The following ALG6 variants were observed in gnomAD, a reference collection of about 807,000 sequenced individuals.
ALG6 encodes the protein ALG6 alpha-1,3-glucosyltransferase, also known as dolichyl pyrophosphate Man9GlcNAc2 alpha-1,3-glucosyltransferase.
A neutral mutation model predicts 66.6 loss-of-function variants in ALG6; 46 were observed. The ratio of observed to expected loss-of-function variants is 0.69; its 90% confidence interval spans 0.55 to 0.88. The LOEUF (loss-of-function observed/expected upper bound fraction) is 0.88. ALG6 is among the 40% of genes least tolerant of loss of function. The probability of loss-of-function intolerance (pLI) is 0.00; values close to 1 mark genes in which losing one functional copy is unlikely to be tolerated. For synonymous variants in ALG6, 185 were observed against 203.7 expected, an observed-to-expected ratio of 0.91 and a Z score of 0.78; for missense variants, 505 against 586.8, an observed-to-expected ratio of 0.86 and a Z score of 1.44.
rs1479573763 is a variant in ALG6, at chr1:63,436,807, C to T, written c.1327-16C>T. On this transcript the variant is annotated splice_polypyrimidine_tract_variant and intron_variant, in intron 14 of 14. Transcript: ENST00000263440. ...TCACCTTTTATACTACTCAGTAATC[C>T]TTTTTTTCCTTGCAGTTTCTTATCT... 1 of 1,611,810 alleles carries T rather than the reference C, an allele frequency of 6.2e-7. No individual in the cohort carries two copies.
chr1:63,414,869 G>A (rs1644537226), intron 10 of ALG6, among the ~76,000 whole-genome samples: 1 of 152,034 alleles, frequency 6.6e-6, no homozygotes, highest in African/African-American at 2.4e-5. Context: ...CAGTCAGGAG[G>A]GAATATCTAG....
chr1:63,426,532 G>A (rs546758871), intron 12 of ALG6, among the ~76,000 whole-genome samples: 1 of 152,268 alleles, frequency 6.6e-6, no homozygotes, highest in East Asian at 1.9e-4. Flanking sequence ...TCCTTTCAGA[G>A]CAGTGCTTAT....
chr1:63,391,003 TG>T (rs1233845580), intron 2 of ALG6, among the ~76,000 whole-genome samples: 1 of 152,172 alleles, frequency 6.6e-6, no homozygotes, highest in Non-Finnish European at 1.5e-5. Flanking sequence ...TACTTTCTTG[TG>T]GGGATAGCTG....
intron 10 of ALG6, among the ~76,000 whole-genome samples, chr1:63,414,882 G>A (rs1017918913): frequency 1.1e-4 from 16 of 152,170 alleles, no homozygotes; most frequent in African/African-American, 3.9e-4. Context: ...ATATCTAGGG[G>A]GGAAGGAAGA....
At chr1:63,434,245 G>T (rs1486372309) in intron 14 of ALG6, among the ~76,000 whole-genome samples, 2 of 152,166 alleles carry the variant, frequency 1.3e-5, no homozygotes, top group African/African-American at 4.8e-5. Flanking sequence ...GAAATGGTCA[G>T]ATTTTTTATA....
In ALG6 at chr1:63,428,542, CTG is replaced by C; in HGVS notation, c.1059-188_1059-187del. ...CAATTATTATGAGGAGTTGACACCT[CTG>C]TGCCTGTGTCTAGGCTAATTTAGTC... On this transcript the variant is annotated intron_variant, in intron 12 of 14. Transcript: ENST00000263440. The C allele has an allele frequency of 1.4e-5, 7 of 483,510 alleles. No individual in the cohort carries two copies. The South Asian group carries it at 2.4e-4, about 17-fold the overall frequency. The allele number at this position is 483,510 out of a possible 1,614,324, so 30.0% of individuals were successfully genotyped here.
chr1:63,427,764 C>CTCT (rs1201257490), intron 12 of ALG6, among the ~76,000 whole-genome samples: 1 of 146,802 alleles, frequency 6.8e-6, no homozygotes, highest in Non-Finnish European at 1.5e-5. Context: ...GGTTACAGGG[C>CTCT]TTAGAGCTAT....
chr1:63,390,856 C>G (rs1228974243), intron 2 of ALG6, among the ~76,000 whole-genome samples: 2 of 152,206 alleles, frequency 1.3e-5, no homozygotes, highest in Non-Finnish European at 2.9e-5. Flanking sequence ...TCATGCCATG[C>G]AGCTGCTGCT....
At chr1:63,411,377 A>T in intron 8 of ALG6, 46 bp downstream of exon 8, 1 of 1,569,894 alleles carries the variant, frequency 6.4e-7, no homozygotes. Flanking sequence ...ACTTCAGATA[A>T]TTTTTTTGGC....
chr1:63,426,474 A>T (rs1024825546), intron 12 of ALG6, among the ~76,000 whole-genome samples: 2 of 152,144 alleles, frequency 1.3e-5, no homozygotes, highest in Admixed American at 1.3e-4. Context: ...TTGGTGATGA[A>T]TTGTAAGTAC....
Position 63,437,472 on chromosome 1 carries a change from T to TA in ALG6, c.*453dup, listed in dbSNP as rs761025735. ...AATCACTAATTTTGGTATTCAAACT[T>TA]ACATTTTAGAATGCAAGTAGTGTGT... On this transcript the variant is annotated 3_prime_UTR_variant, in exon 15 of 15. Transcript: ENST00000263440. 1 of 173,922 alleles carries TA rather than the reference T, an allele frequency of 5.7e-6. No homozygotes were observed. Among genetic ancestry groups the TA allele is most frequent in the Non-Finnish European group, 1.2e-5 (1 of 81,674 alleles). 10.8% of individuals were successfully genotyped at this position (173,922 alleles called of 1,614,324 possible).
At chr1:63,393,723 G>A (rs1339382190) in intron 2 of ALG6, among the ~76,000 whole-genome samples, 8 of 152,090 alleles carry the variant, frequency 5.3e-5, no homozygotes, top group East Asian at 3.8e-4. Flanking sequence ...AAGCAACCTC[G>A]GCAAAATTAA....
In ALG6 at chr1:63,437,248, TTTA is replaced by T; in HGVS notation, c.*234_*236del. The stretch of plus-strand genomic sequence containing the variant: ...GTACTGCTTGGCCAAAACATGTGGT[TTTA>T]TTATTCACAGCTATTCAAGTGGGGA... On this transcript the variant is annotated 3_prime_UTR_variant, in exon 15 of 15. Coordinates refer to ENST00000263440, the MANE Select transcript of ALG6 (RefSeq NM_013339.4). The T allele has an allele frequency of 2.1e-6, 1 of 469,384 alleles. No homozygotes were observed. The allele number at this position is 469,384 out of a possible 1,614,324, so 29.1% of individuals were successfully genotyped here.
intron 7 of ALG6, among the ~76,000 whole-genome samples, chr1:63,409,375 T>C (rs904319046): frequency 1.2e-4 from 18 of 152,294 alleles, no homozygotes; most frequent in African/African-American, 4.3e-4. Context: ...TGAAGACTCA[T>C]GTTCTTCTGT....
intron 2 of ALG6, among the ~76,000 whole-genome samples, chr1:63,386,329 C>T (rs1026092098): frequency 6.6e-6 from 1 of 150,986 alleles, no homozygotes; most frequent in African/African-American, 2.4e-5. Context: ...GTACTGGGCT[C>T]GTAGAATGAG....
intron 2 of ALG6, among the ~76,000 whole-genome samples, chr1:63,381,918 G>T (rs955998974): frequency 6.6e-6 from 1 of 152,030 alleles, no homozygotes; most frequent in Non-Finnish European, 1.5e-5. Flanking sequence ...AGCTGCAGTA[G>T]AGTGACTATT....
intron 12 of ALG6, among the ~76,000 whole-genome samples, chr1:63,422,246 T>TATATATTTATATAGATATAA (rs1557594987): frequency 4.1e-5 from 2 of 48,950 alleles, no homozygotes; most frequent in Non-Finnish European, 7.1e-5. Flanking sequence ...TATATATAAA[T>TATATATTTATATAGATATAA]ATATATATTT....
rs1292097625 is a variant in ALG6 at position 63,400,296 on chromosome 1, C to T, written c.168-1958C>T. Among the ~76,000 whole-genome samples, 5 of 6,566 alleles carry T rather than the reference C, an allele frequency of 7.6e-4. 1 individual carries two copies. Among genetic ancestry groups the T allele is most frequent in the Admixed American group, 5.6e-3 (2 of 354 alleles). 4.3% of individuals were successfully genotyped at this position (6,566 alleles called of 152,430 possible). On this transcript the variant is annotated intron_variant, in intron 3 of 14. Coordinates refer to ENST00000263440, the MANE Select transcript of ALG6 (RefSeq NM_013339.4). ...ATATATATATACGTATATATATATA[C>T]GTATATATATGTATATATATATACG...
At chr1:63,414,010 A>G (rs751124952) in intron 9 of ALG6, 51 bp from the exon 10 acceptor site, 1 of 1,406,080 alleles carries the variant, frequency 7.1e-7, no homozygotes, top group Non-Finnish European at 1.0e-6. Context: ...CATGGGTTTT[A>G]ATATTTCTTT....
Sources: allele counts gnomAD v4.1 joint callset (sites outside exome capture counted in the v4.1 genomes callset), GRCh38; gene constraint gnomAD v4.1.1; transcripts MANE v1.5; gene names NCBI Gene and HGNC (gene_info 2026-07-23, HGNC 2026-07-21).